The following PSD3 variants were observed in gnomAD, a reference collection of about 807,000 sequenced individuals.
PSD3 encodes the protein PH and SEC7 domain-containing protein 3.
Under a neutral mutation model 105.5 loss-of-function variants are expected in PSD3, and 49 were observed. That is an observed-to-expected ratio of 0.46 (90% CI 0.37 to 0.59). PSD3 has a LOEUF of 0.59. PSD3 is among the 20% of genes least tolerant of loss of function. PSD3 has a pLI of 0.00. For missense variants in PSD3, 1,561 were observed against 1,263.8 expected (o/e 1.24, Z -3.57); for synonymous variants, 557 against 457.8 (o/e 1.22, Z -2.77).
intron 9 of PSD3, among the ~76,000 whole-genome samples, chr8:18,698,163 A>ATCATAGC (rs1171734030): frequency 6.6e-6 from 1 of 152,198 alleles, no homozygotes; most frequent in East Asian, 1.9e-4. Context: ...CAGTGGTGCG[A>ATCATAGC]TCATAGCTCA....
intron 1 of PSD3, among the ~76,000 whole-genome samples, chr8:18,986,981 T>G (rs1186406342): frequency 6.6e-6 from 1 of 152,164 alleles, no homozygotes; most frequent in Non-Finnish European, 1.5e-5. Context: ...ATCCTACTGC[T>G]CAAGGTCATC....
Position 18,984,281 on chromosome 8 carries a change from T to C in PSD3, c.21+29282A>G, listed in dbSNP as rs192699448. On this transcript the variant is annotated intron_variant, in intron 1 of 15. Transcript: ENST00000327040. The stretch of plus-strand genomic sequence containing the variant: ...GTTTACAATAGAGCTGACTCTCTAG[T>C]TGTTAAACCACATAACTGAACTACA... Among the ~76,000 whole-genome samples the C allele has an allele frequency of 3.0e-3, 449 of 151,880 alleles. 3 individuals carry two copies. The highest frequency in any genetic ancestry group is 0.01 in the African/African-American group (433 of 41,486).
chr8:19,050,624 G>C (rs1297963475), intron 1 of PSD3, among the ~76,000 whole-genome samples: 1 of 152,128 alleles, frequency 6.6e-6, no homozygotes, highest in Non-Finnish European at 1.5e-5. Context: ...CTCATAGGTG[G>C]GAAGTGAACA....
At position 19,064,034 on chromosome 8, in the gene PSD3, C is replaced by T. The variant is rs142169987; in HGVS notation, c.324+20172G>A. 5.0e-3 allele frequency among the ~76,000 whole-genome samples: 757 copies of T among 151,928 alleles called. 1 individual carries two copies. The highest frequency in any genetic ancestry group is 7.3e-3 in the Non-Finnish European group (494 of 67,954). ...TGCACACCTGTAATCCCAGCTACTC[C>T]GGAGACTGAGGCTGGAGAATCACTT... is the stretch of plus-strand genomic sequence containing the variant. On this transcript the variant is annotated intron_variant, in intron 1 of 1. Transcript: ENST00000521475.
At chr8:18,774,820 GACAT>G (rs1305465808) in intron 8 of PSD3, 9 of 446,784 alleles carry the variant, frequency 2.0e-5, no homozygotes, top group Non-Finnish European at 4.1e-5. Flanking sequence ...TCACTTCGGC[GACAT>G]ACATCTGGGA....
At chr8:18,981,565 T>C (rs1489453810) in intron 1 of PSD3, among the ~76,000 whole-genome samples, 1 of 152,222 alleles carries the variant, frequency 6.6e-6, no homozygotes, top group Non-Finnish European at 1.5e-5. Flanking sequence ...ATTCTGTATA[T>C]ACAGGCATAC....
chr8:18,742,567 G>C (rs1244391004), intron 9 of PSD3, among the ~76,000 whole-genome samples: 1 of 152,110 alleles, frequency 6.6e-6, no homozygotes, highest in East Asian at 1.9e-4. Flanking sequence ...ATCATAGATA[G>C]CTTTTGTGAA....
chr8:18,730,733 T>C (rs1046766859), intron 9 of PSD3, among the ~76,000 whole-genome samples: 2 of 152,206 alleles, frequency 1.3e-5, no homozygotes, highest in African/African-American at 2.4e-5. Context: ...TCTCCAAACA[T>C]TGCCAGATGT....
chr8:18,629,972 T>G (rs997158854), intron 11 of PSD3, among the ~76,000 whole-genome samples: 1 of 151,764 alleles, frequency 6.6e-6, no homozygotes, highest in Admixed American at 6.6e-5. Context: ...GCCTGAGGAA[T>G]TAAAGGCAGC....
rs189153014 is a variant in PSD3, at chr8:19,024,640, G to T, written c.324+59566C>A. On this transcript the variant is annotated intron_variant, in intron 1 of 1. Coordinates refer to the PSD3 transcript ENST00000521475. ...CCTAGACTGCCCAAGGATGGAGTTGGTTATCAGAAAGACGACATGATTAGA... is the reference window on the plus strand; with the variant it reads ...CCTAGACTGCCCAAGGATGGAGTTGTTTATCAGAAAGACGACATGATTAGA... Among the ~76,000 whole-genome samples the T allele has an allele frequency of 2.1e-3, 313 of 152,272 alleles. 2 individuals are homozygous for T. The highest frequency in any genetic ancestry group is 7.2e-3 in the African/African-American group (298 of 41,560).
chr8:18,729,411 T>C lies in PSD3; in HGVS notation c.2172+36038A>G, dbSNP rs73666702. ...TACTCAATACCAAGTTCAAGTCAAA[T>C]GTGGGACCTTGTGTAAGGTTCTTAC... On this transcript the variant is annotated intron_variant, in intron 9 of 15. Transcript: ENST00000327040. Among the ~76,000 whole-genome samples the C allele has an allele frequency of 6.9e-3, 1,057 of 152,302 alleles. 12 individuals carry two copies. Among genetic ancestry groups the C allele is most frequent in the African/African-American group, 0.024 (979 of 41,552 alleles).
chr8:18,894,297 G>A (rs1030597912), intron 2 of PSD3, among the ~76,000 whole-genome samples: 1 of 152,142 alleles, frequency 6.6e-6, no homozygotes, highest in Non-Finnish European at 1.5e-5. Flanking sequence ...ACGGGTTTTT[G>A]TAAGATTAAA....
rs773737377 is a variant in PSD3, at chr8:18,529,194, T to C, written c.*6549A>G. ...TTGTGAATTACAAGAAAGCCTTCAA[T>C]TTGGTGGTCCACAAGAAAGAATGTG... On this transcript the variant is annotated 3_prime_UTR_variant, in exon 16 of 16. Transcript: ENST00000327040. 6.6e-6 allele frequency: 1 copy of C among 152,160 alleles called. No individual in the cohort carries two copies. The highest frequency in any genetic ancestry group is 1.5e-5 in the Non-Finnish European group (1 of 68,028). The allele number at this position is 152,160 out of a possible 1,614,324, so 9.4% of individuals were successfully genotyped here.
chr8:18,572,188 G>C (rs909274464), intron 14 of PSD3, among the ~76,000 whole-genome samples: 2 of 152,142 alleles, frequency 1.3e-5, no homozygotes, highest in African/African-American at 2.4e-5. Context: ...ATAAAAATGA[G>C]CTAATAAATG....
chr8:19,002,589 AT>A (rs1157972175), intron 1 of PSD3, among the ~76,000 whole-genome samples: 3 of 152,108 alleles, frequency 2.0e-5, no homozygotes, highest in Admixed American at 6.5e-5. Flanking sequence ...GTTGAAAAAA[AT>A]AAAACCATGT....
At chr8:18,737,541 A>C (rs948223906) in intron 9 of PSD3, among the ~76,000 whole-genome samples, 1 of 152,120 alleles carries the variant, frequency 6.6e-6, no homozygotes, top group Non-Finnish European at 1.5e-5. Flanking sequence ...GACCTCAAGC[A>C]ATCTGCTCGC....
chr8:18,833,237 G>T (rs559102767), intron 4 of PSD3, among the ~76,000 whole-genome samples: 104 of 152,188 alleles, frequency 6.8e-4, no homozygotes, highest in Non-Finnish European at 1.2e-3. Flanking sequence ...AAAAGCAAGG[G>T]ACATTCACTC....
intron 4 of PSD3, among the ~76,000 whole-genome samples, chr8:18,817,983 T>G (rs1812354504): frequency 1.3e-5 from 2 of 152,240 alleles, no homozygotes; most frequent in South Asian, 4.1e-4. Flanking sequence ...AGACGGAGTC[T>G]CACTCTGTCG....
intron 9 of PSD3, among the ~76,000 whole-genome samples, chr8:18,755,429 C>CCAT (rs1554490327): frequency 7.3e-6 from 1 of 136,786 alleles, no homozygotes; most frequent in African/African-American, 2.7e-5. Context: ...GACCCTGTCT[C>CCAT]AACATAACAT....
Sources: allele counts gnomAD v4.1 joint callset (sites outside exome capture counted in the v4.1 genomes callset), GRCh38; gene constraint gnomAD v4.1.1; transcripts MANE v1.5; gene names NCBI Gene and HGNC (gene_info 2026-07-23, HGNC 2026-07-21).